The following RAB44 variants were observed in gnomAD, a reference collection of about 807,000 sequenced individuals.
The protein encoded by RAB44 is RAB44, member RAS oncogene family, also known as ras-related protein Rab-44.
In RAB44, 67 loss-of-function variants were observed where a neutral mutation model predicts 93.3. The ratio of observed to expected loss-of-function variants is 0.72; its 90% CI spans 0.59 to 0.88. The LOEUF is 0.88. Among genes scored for constraint, RAB44 ranks in the 40% least tolerant of loss-of-function variants. The pLI is 0.00. For missense variants in RAB44, 1,064 were observed against 1,261.7 expected, an observed-to-expected ratio of 0.84 and a Z score of 2.37; for synonymous variants, 427 against 520.3, an observed-to-expected ratio of 0.82 and a Z score of 2.44.
At position 36,732,100 on chromosome 6, in the gene RAB44, G is replaced by C. The variant is rs1170811250; in HGVS notation, c.*7G>C. On this transcript the variant is annotated 3_prime_UTR_variant, in exon 14 of 14. Coordinates refer to ENST00000612677, the MANE Select transcript of RAB44 (RefSeq NM_001257357.2). Reference sequence around the variant, plus strand: ...ATTCGGCTGTTGCTCCTGATCACCTGTCCTGTCCTGGGTAGGATGGACACC... The same window carrying C: ...ATTCGGCTGTTGCTCCTGATCACCTCTCCTGTCCTGGGTAGGATGGACACC... 1 of 1,233,920 alleles carries C rather than the reference G, an allele frequency of 8.1e-7. No homozygotes were observed. The highest frequency in any genetic ancestry group is 1.6e-5 in the African/African-American group (1 of 64,480). The allele number at this position is 1,233,920 out of a possible 1,614,324, so 76.4% of individuals were successfully genotyped here. A position where few individuals can be genotyped will look rare whatever the true frequency, so the allele number is the denominator to read the frequency against.
At chr6:36,716,347 G>A (rs899288842) in intron 4 of RAB44, among the ~76,000 whole-genome samples, 5 of 152,024 alleles carry the variant, frequency 3.3e-5, no homozygotes, top group African/African-American at 1.2e-4. Context: ...GCACATGCCT[G>A]TAATCCCAGC....
At chr6:36,716,229 G>A (rs1042125013) in intron 4 of RAB44, among the ~76,000 whole-genome samples, 2 of 152,040 alleles carry the variant, frequency 1.3e-5, no homozygotes, top group Admixed American at 6.6e-5. Flanking sequence ...CAGCACTTTG[G>A]GAGGCTGAGG....
chr6:36,725,900 A>C lies in RAB44; in HGVS notation c.2638A>C (p.Lys880Gln). ...GGTCAAAACCTTGCTGGTGGACAAC[A>C]AGTGCTTTGTGCTGCAGCTCTGGGA... is the stretch of plus-strand genomic sequence containing the variant. ...FRVKTLLVDN[K>Q]CFVLQLWDTA... The change falls in exon 10 of 14, where the codon AAG becomes CAG. Residue 880 changes from lysine (K) to glutamine (Q), a missense_variant. By Grantham distance (53) the Lys-to-Gln change is moderately conservative (BLOSUM62 1). Coordinates refer to ENST00000612677, the MANE Select transcript of RAB44 (RefSeq NM_001257357.2). 5.8e-6 allele frequency: 9 copies of C among 1,550,712 alleles called. No individual in the cohort carries two copies. The highest frequency in any genetic ancestry group is 7.8e-6 in the Non-Finnish European group (9 of 1,147,002).
intron 9 of RAB44, among the ~76,000 whole-genome samples, chr6:36,725,052 G>T (rs1582642410): frequency 6.6e-6 from 1 of 152,244 alleles, no homozygotes. Context: ...ACCTGGTTCA[G>T]TTTCTTGCCC....
At chr6:36,714,049 A>AC (rs768711833) in intron 3 of RAB44, 110 bp downstream of exon 3, 3 of 698,392 alleles carry the variant, frequency 4.3e-6, no homozygotes, top group South Asian at 1.7e-5. Flanking sequence ...AGGGACTTTC[A>AC]CCCCCCATCC....
Position 36,717,908 on chromosome 6 carries a change from G to A in RAB44, c.642-120G>A, listed in dbSNP as rs1390077186. 3 of 476,248 alleles carry A rather than the reference G, an allele frequency of 6.3e-6. No homozygotes were observed. Among genetic ancestry groups the A allele is most frequent in the Admixed American group, 4.4e-5 (1 of 22,684 alleles). 29.5% of individuals were successfully genotyped at this position (476,248 alleles called of 1,614,324 possible). A position where few individuals can be genotyped will look rare whatever the true frequency, so the allele number is the denominator to read the frequency against. On this transcript the variant is annotated intron_variant, in intron 5 of 13. Transcript: ENST00000612677. This position sits in a 1 kb window ranked among gnomAD's most constrained non-coding sequence, Gnocchi z 4.1. ...CTCAGGGTGACAGAGGTCAGTGACT[G>A]CTGGCAGAGTGAGGAAAGCAATAGG...
intron 3 of RAB44, among the ~76,000 whole-genome samples, chr6:36,714,183 G>A (rs1052549520): frequency 6.6e-6 from 1 of 152,230 alleles, no homozygotes; most frequent in Non-Finnish European, 1.5e-5. Flanking sequence ...CTGAGCCAGA[G>A]GTCTTGACAC....
chr6:36,723,483 G>A (rs990418648), intron 9 of RAB44, among the ~76,000 whole-genome samples: 1 of 152,020 alleles, frequency 6.6e-6, no homozygotes, highest in African/African-American at 2.4e-5. Context: ...AAAGCAGAGA[G>A]CCTTCCCTCC....
At chr6:36,699,386 C>T (rs6457942) in intron 1 of RAB44, among the ~76,000 whole-genome samples, 58,787 of 151,944 alleles carry the variant, frequency 0.39, 11,387 homozygotes, top group South Asian at 0.43. Flanking sequence ...TGTGGGAGCC[C>T]GGCAGGCTGC....
chr6:36,727,801 T>C (rs1582646381), intron 11 of RAB44, 110 bp downstream of exon 11: 2 of 749,190 alleles, frequency 2.7e-6, no homozygotes, highest in East Asian at 2.7e-5. Flanking sequence ...GACAGACATA[T>C]GGGTGACACC....
At chr6:36,728,869 A>C in intron 12 of RAB44, 68 bp downstream of exon 12, 3 of 1,288,452 alleles carry the variant, frequency 2.3e-6, no homozygotes, top group South Asian at 1.3e-5. Flanking sequence ...CAGGTGGTGG[A>C]TAGGCATCAC....
chr6:36,703,463 A>G (rs138033645), intron 1 of RAB44, among the ~76,000 whole-genome samples: 157 of 152,260 alleles, frequency 1.0e-3, no homozygotes, highest in Non-Finnish European at 1.9e-3. Flanking sequence ...AAAGGTATTA[A>G]CTATGTAAGG....
Position 36,728,728 on chromosome 6 carries a change from T to C in RAB44, c.2825T>C (p.Leu942Pro). 1 of 1,550,620 alleles carries C rather than the reference T, an allele frequency of 6.4e-7. No individual in the cohort carries two copies. Among genetic ancestry groups the C allele is most frequent in the Non-Finnish European group, 8.7e-7 (1 of 1,146,986 alleles). Residue 942 changes from leucine (L) to proline (P), a missense_variant, in exon 12 of 14, where the codon CTT becomes CCT. Coordinates refer to ENST00000612677, the MANE Select transcript of RAB44 (RefSeq NM_001257357.2). ...GCAGGGTCGGATGGGGTGGTCATCCTTCTCCTGGGAAACAAGATGGACTGT... is the reference window on the plus strand; with the variant it reads ...GCAGGGTCGGATGGGGTGGTCATCCCTCTCCTGGGAAACAAGATGGACTGT... ...QDAGSDGVVI[L>P]LLGNKMDCEE...
chr6:36,700,773 C>T (rs1437183557), intron 1 of RAB44, among the ~76,000 whole-genome samples: 1 of 152,188 alleles, frequency 6.6e-6, no homozygotes, highest in African/African-American at 2.4e-5. Context: ...CCCTTCTATG[C>T]TACAGGGAGT....
In RAB44 at chr6:36,704,370, G is replaced by A. The variant is rs1762588927; in HGVS notation, c.135G>A (p.Ala45=). 5.2e-6 allele frequency: 8 copies of A among 1,536,114 alleles called. No individual in the cohort carries two copies. The highest frequency in any genetic ancestry group is 1.4e-5 in the African/African-American group (1 of 73,148). The change falls in exon 2 of 14, where the codon GCG becomes GCA. Residue 45 remains alanine (A), a synonymous_variant. Transcript: ENST00000612677. ...PEPESWSSQA[A]AELQAFFQDC... is the part of the protein sequence containing the mutation. ...CAGAGTCTTGGTCCTCTCAGGCAGCGGCAGAACTGCAGGCCTTCTTCCAGG... is the reference window on the plus strand; with the variant it reads ...CAGAGTCTTGGTCCTCTCAGGCAGCAGCAGAACTGCAGGCCTTCTTCCAGG...
Position 36,717,429 on chromosome 6 carries a change from G to A in RAB44, c.641+10G>A. 1 of 1,232,016 alleles carries A rather than the reference G, an allele frequency of 8.1e-7. No individual in the cohort carries two copies. The allele number at this position is 1,232,016 out of a possible 1,614,324, so 76.3% of individuals were successfully genotyped here. The stretch of plus-strand genomic sequence containing the variant: ...AGCTGACCCTGAGGAAGTGAGTGGG[G>A]GGCCTGGCCGGGTGTCTGATACGAA... On this transcript the variant is annotated intron_variant, in intron 5 of 13. Transcript: ENST00000612677. The surrounding 1 kb of genome is among the most constrained non-coding windows in gnomAD (Gnocchi z 4.1).
In RAB44 at chr6:36,730,759, G is replaced by GGCCCCCCCCCC; in HGVS notation, c.2975+10_2975+11insGCCCCCCCCCC. 1 of 1,203,322 alleles carries GGCCCCCCCCCC rather than the reference G, an allele frequency of 8.3e-7. No homozygotes were observed. The highest frequency in any genetic ancestry group is 1.0e-6 in the Non-Finnish European group (1 of 974,726). The allele number at this position is 1,203,322 out of a possible 1,614,324, so 74.5% of individuals were successfully genotyped here. Reference sequence around the variant, plus strand: ...TAGTAAACCTGGCCAGGTAAGTGCTGCCCGCCCCCCGCCGCCCCCACCCCC... The same window carrying GGCCCCCCCCCC: ...TAGTAAACCTGGCCAGGTAAGTGCTGGCCCCCCCCCCCCCGCCCCCCGCCGCCCCCACCCCC... On this transcript the variant is annotated intron_variant, in intron 13 of 13. Coordinates refer to ENST00000612677, the MANE Select transcript of RAB44 (RefSeq NM_001257357.2).
At chr6:36,719,637 G>C (rs985349917) in intron 7 of RAB44, among the ~76,000 whole-genome samples, 2 of 152,222 alleles carry the variant, frequency 1.3e-5, no homozygotes, top group Admixed American at 1.3e-4. Context: ...GGATAGAAGA[G>C]TCGTAGGAGT....
At chr6:36,704,827 A>G (rs1014207609) in intron 2 of RAB44, among the ~76,000 whole-genome samples, 15 of 152,112 alleles carry the variant, frequency 9.9e-5, no homozygotes, top group Non-Finnish European at 2.1e-4. Context: ...CCCCATAAAG[A>G]GTCTTAGGGT....
Sources: gnomAD v4.1 joint callset for allele counts (sites outside exome capture counted in the v4.1 genomes callset) on GRCh38, gnomAD v4.1.1 for gene constraint, Gnocchi (gnomAD v3.1) non-coding constraint, MANE v1.5 for transcripts, NCBI Gene and HGNC (gene_info 2026-07-23, HGNC 2026-07-21) for gene names.